GTF3C1: variants seen among roughly 807,000 people sequenced by gnomAD.
GTF3C1 encodes the protein general transcription factor IIIC subunit 1, also known as general transcription factor 3C polypeptide 1.
A neutral mutation model predicts 226.7 loss-of-function variants in GTF3C1; 57 were observed. The ratio of observed to expected loss-of-function variants is 0.25; its 90% CI spans 0.20 to 0.31. GTF3C1 has a LOEUF of 0.31. GTF3C1 is among the 10% of genes least tolerant of loss of function. The pLI is 1.00. For synonymous variants in GTF3C1, 1,090 were observed against 1,084.8 expected (o/e 1.00, Z -0.09); for missense variants, 2,217 against 2,776.1 (o/e 0.80, Z 4.53).
chr16:27,521,542 G>A (rs71388096), intron 6 of GTF3C1, among the ~76,000 whole-genome samples: 2 of 152,378 alleles, frequency 1.3e-5, no homozygotes, highest in African/African-American at 4.8e-5. Flanking sequence ...GCGGGGAAGA[G>A]GCCAGTTCCT....
chr16:27,513,150 T>C lies in GTF3C1; in HGVS notation c.974-1249A>G, dbSNP rs144391362. ...TCCTCGATTATCTGGGTGGGCTCAATGTAGTATCACAGAGTCCTTAGGCTG... is the reference window on the plus strand; with the variant it reads ...TCCTCGATTATCTGGGTGGGCTCAACGTAGTATCACAGAGTCCTTAGGCTG... On this transcript the variant is annotated intron_variant, in intron 6 of 36. Coordinates refer to ENST00000356183, the MANE Select transcript of GTF3C1 (RefSeq NM_001520.4). Among the ~76,000 whole-genome samples the C allele has an allele frequency of 2.2e-4, 34 of 152,298 alleles. No individual in the cohort carries two copies. The East Asian group carries it at 5.6e-3, about 25-fold the overall frequency.
chr16:27,466,835 C>A (rs545849899), intron 32 of GTF3C1, among the ~76,000 whole-genome samples: 9 of 152,356 alleles, frequency 5.9e-5, no homozygotes, highest in African/African-American at 1.9e-4. Context: ...CCAGCCACAA[C>A]CTTCCCTTAA....
In GTF3C1 at chr16:27,549,846, C is replaced by A. The variant is rs1444409558; in HGVS notation, c.45G>T (p.Gly15=). The A allele has an allele frequency of 1.9e-6, 3 of 1,613,124 alleles. No homozygotes were observed. The highest frequency in any genetic ancestry group is 2.5e-6 in the Non-Finnish European group (3 of 1,179,868). The part of the protein sequence containing the change: ...ESLLDEVALE[G]LDGLCLPALW... ...GCGCTGGCAGACACAGGCCATCGAG[C>A]CCCTCCAGAGCGACTTCGTCCAACA... Residue 15 remains glycine (G), a synonymous_variant, in exon 1 of 37, where the codon GGG becomes GGT. Coordinates refer to ENST00000356183, the MANE Select transcript of GTF3C1 (RefSeq NM_001520.4).
At chr16:27,506,270 T>G (rs1231167178) in intron 9 of GTF3C1, among the ~76,000 whole-genome samples, 154 bp from the exon 10 acceptor site, 1 of 152,224 alleles carries the variant, frequency 6.6e-6, no homozygotes, top group Non-Finnish European at 1.5e-5. Flanking sequence ...GGGCCCCTCC[T>G]TCTGGCCTCT....
rs1298777852 is a variant in GTF3C1, at chr16:27,535,017, ATAC to A, written c.753-1633_753-1631del. On this transcript the variant is annotated intron_variant, in intron 4 of 36. Coordinates refer to ENST00000356183, the MANE Select transcript of GTF3C1 (RefSeq NM_001520.4). The stretch of plus-strand genomic sequence containing the variant: ...TCATTGATGCATAAAATATAGGTGG[ATAC>A]TACTTTATTTTATCATTCATTACCA... 3.3e-5 allele frequency among the ~76,000 whole-genome samples: 5 copies of A among 152,208 alleles called. No homozygotes were observed. In the South Asian group the frequency reaches 8.3e-4, roughly 25 times the overall value.
At chr16:27,527,928 G>A (rs1020730014) in intron 6 of GTF3C1, among the ~76,000 whole-genome samples, 4 of 150,950 alleles carry the variant, frequency 2.6e-5, no homozygotes, top group Non-Finnish European at 5.9e-5. Context: ...GAGCTGAGAT[G>A]ATGCCACTGC....
At chr16:27,526,164 A>C (rs2088830864) in intron 6 of GTF3C1, among the ~76,000 whole-genome samples, 1 of 152,192 alleles carries the variant, frequency 6.6e-6, no homozygotes, top group South Asian at 2.1e-4. Context: ...CAGAAAAAGA[A>C]GTCTCCAGCC....
intron 32 of GTF3C1, among the ~76,000 whole-genome samples, chr16:27,467,893 C>T (rs2087808081): frequency 6.6e-6 from 1 of 151,976 alleles, no homozygotes; most frequent in Non-Finnish European, 1.5e-5. Context: ...GAAAGAAATA[C>T]ATTTCGTAAA....
chr16:27,464,625 C>T lies in GTF3C1; in HGVS notation c.5567G>A (p.Ser1856Asn), dbSNP rs962465379. The T allele has an allele frequency of 4.6e-6, 7 of 1,507,242 alleles. No individual in the cohort carries two copies. Among genetic ancestry groups the T allele is most frequent in the Non-Finnish European group, 6.2e-6 (7 of 1,128,722 alleles). The allele number at this position is 1,507,242 out of a possible 1,614,324, so 93.4% of individuals were successfully genotyped here. A position where few individuals can be genotyped will look rare whatever the true frequency, so the allele number is the denominator to read the frequency against. The stretch of plus-strand genomic sequence containing the variant: ...GGCGCGCCTCTTGGTGCCCCGGGGG[C>T]TGTGAGAAGGAGGTGCCTGCCCCTC... Reference protein sequence around the residue: ...PPEGQAPPSHSPRGTKRRASW... With the variant: ...PPEGQAPPSHNPRGTKRRASW... Residue 1856 changes from serine to asparagine, a missense_variant, in exon 34 of 37, where the codon AGC (serine) becomes AAC (asparagine). Physicochemically the swap from Ser to Asn is conservative, Grantham distance 46. This residue lies in a region of GTF3C1 where 455 missense variants were observed against 441.9 expected (regional missense o/e 1.03). Coordinates refer to ENST00000356183, the MANE Select transcript of GTF3C1 (RefSeq NM_001520.4).
intron 14 of GTF3C1, among the ~76,000 whole-genome samples, chr16:27,496,736 G>A (rs970271154): frequency 6.6e-6 from 1 of 152,196 alleles, no homozygotes; most frequent in South Asian, 2.1e-4. Context: ...TTATTTCTTT[G>A]TTGATACAAA....
intron 6 of GTF3C1, among the ~76,000 whole-genome samples, chr16:27,514,626 G>A (rs150631879): frequency 7.2e-5 from 11 of 151,748 alleles, no homozygotes; most frequent in African/African-American, 2.4e-4. Flanking sequence ...ATAACACTAC[G>A]ACCATTTATC....
intron 2 of GTF3C1, among the ~76,000 whole-genome samples, chr16:27,544,114 G>A (rs917307574): frequency 6.6e-6 from 1 of 152,120 alleles, no homozygotes; most frequent in Non-Finnish European, 1.5e-5. Context: ...ACAGACAGGG[G>A]GCCGTTGCTC....
chr16:27,539,310 T>C (rs1329678060), intron 2 of GTF3C1, among the ~76,000 whole-genome samples: 1 of 152,154 alleles, frequency 6.6e-6, no homozygotes, highest in Non-Finnish European at 1.5e-5. Context: ...TAAATTGACA[T>C]GTGAGAAAGA....
At position 27,494,897 on chromosome 16, in the gene GTF3C1, C is replaced by T. The variant is rs146596446; in HGVS notation, c.2644G>A (p.Asp882Asn). 9.5e-5 allele frequency: 154 copies of T among 1,613,490 alleles called. 1 individual carries two copies. The African/African-American group carries it at 1.5e-3, about 16-fold the overall frequency. ...GGGATGTAGCGCATCCACGAGGCAT[C>T]GTCGACATACACTAGGAAAAAAACG... is the stretch of plus-strand genomic sequence containing the variant. ...ELATETVYVD[D>N]ASWMRYIPPI... is the part of the protein sequence containing the mutation. The change falls in exon 16 of 37, where the codon GAT becomes AAT. Residue 882 changes from aspartate to asparagine, a missense_variant. This residue lies in a region of GTF3C1 where 353 missense variants were observed against 411.7 expected (regional missense o/e 0.86). Coordinates refer to ENST00000356183, the MANE Select transcript of GTF3C1 (RefSeq NM_001520.4).
intron 6 of GTF3C1, among the ~76,000 whole-genome samples, chr16:27,517,161 G>A (rs982874896): frequency 3.3e-5 from 5 of 152,158 alleles, no homozygotes; most frequent in African/African-American, 9.7e-5. Flanking sequence ...GCAGGTAAAC[G>A]ACGGAACAGT....
chr16:27,495,395 G>C lies in GTF3C1; in HGVS notation c.2448C>G (p.Ala816=). 1 of 1,614,076 alleles carries C rather than the reference G, an allele frequency of 6.2e-7. No homozygotes were observed. The highest frequency in any genetic ancestry group is 8.5e-7 in the Non-Finnish European group (1 of 1,179,914). Residue 816 remains alanine (A), a synonymous_variant, in exon 15 of 37, where the codon GCC becomes GCG. Transcript: ENST00000356183. ...FLWYLIYGHP[A]SNTVEKPSFI... ...AGCTTGGCTTCTCCACGGTGTTGCT[G>C]GCAGGGTGCCCGTAGATGAGGTACC...
chr16:27,510,024 G>A (rs988584434), intron 7 of GTF3C1, among the ~76,000 whole-genome samples: 4 of 152,166 alleles, frequency 2.6e-5, no homozygotes, highest in Non-Finnish European at 1.5e-5. Context: ...CGAGGTGGGT[G>A]GATCACCTGA....
chr16:27,535,478 G>A (rs1488358062), intron 4 of GTF3C1, among the ~76,000 whole-genome samples: 1 of 152,002 alleles, frequency 6.6e-6, no homozygotes, highest in African/African-American at 2.4e-5. Context: ...GGGAGGCTGA[G>A]GCAGTAGAAT....
At chr16:27,539,266 C>T (rs763340776) in intron 2 of GTF3C1, among the ~76,000 whole-genome samples, 39 of 152,086 alleles carry the variant, frequency 2.6e-4, no homozygotes, top group Non-Finnish European at 7.3e-5. Context: ...TGTTGAAGGC[C>T]AGACCTTGCC....
Sources: allele counts gnomAD v4.1 joint callset (sites outside exome capture counted in the v4.1 genomes callset), GRCh38; gene constraint gnomAD v4.1.1; regional missense constraint gnomAD v4.1.1; transcripts MANE v1.5; gene names NCBI Gene and HGNC (gene_info 2026-07-23, HGNC 2026-07-21).